Variants in CNTNAP2 observed in about 807,000 individuals in gnomAD.
The protein encoded by CNTNAP2 is contactin associated protein 2, also known as contactin-associated protein-like 2.
Under a neutral mutation model 155.2 loss-of-function variants are expected in CNTNAP2, and 98 were observed. The ratio of observed to expected loss-of-function variants is 0.63; its 90% confidence interval spans 0.54 to 0.75. The LOEUF (loss-of-function observed/expected upper bound fraction) is 0.75, where lower values mean the gene tolerates loss of function less well. Among genes scored for constraint, CNTNAP2 ranks in the 30% least tolerant of loss-of-function variants. CNTNAP2 has a pLI of 0.00. For missense variants in CNTNAP2, 1,727 were observed against 1,688.1 expected (o/e 1.02, Z -0.40); for synonymous variants, 651 against 631.2 (o/e 1.03, Z -0.47).
intron 15 of CNTNAP2, among the ~76,000 whole-genome samples, chr7:148,035,313 C>T (rs1231054151): frequency 6.6e-6 from 1 of 152,148 alleles, no homozygotes. Flanking sequence ...TTTTGGAGAT[C>T]TCTGAGGCTC....
rs928812842 is a variant in CNTNAP2 at position 147,264,864 on chromosome 7, A to G, written c.1349-35277A>G. Reference sequence around the variant, plus strand: ...TATGAACTATTTGAGGTGAAGCTCAAAAGGACATACTGAGGTCCAGGAAAT... The same window carrying G: ...TATGAACTATTTGAGGTGAAGCTCAGAAGGACATACTGAGGTCCAGGAAAT... On this transcript the variant is annotated intron_variant, in intron 8 of 23. Transcript: ENST00000361727. 2.0e-5 allele frequency among the ~76,000 whole-genome samples: 3 copies of G among 152,094 alleles called. No individual in the cohort carries two copies. The South Asian group carries it at 6.2e-4, about 32-fold the overall frequency.
chr7:147,660,222 T>C (rs976371022), intron 13 of CNTNAP2, among the ~76,000 whole-genome samples: 2 of 152,248 alleles, frequency 1.3e-5, no homozygotes, highest in African/African-American at 4.8e-5. Context: ...CAGAGAAGAC[T>C]GACTTTTTCA....
intron 3 of CNTNAP2, among the ~76,000 whole-genome samples, chr7:146,980,459 A>G (rs1797993307): frequency 6.6e-6 from 1 of 152,162 alleles, no homozygotes; most frequent in African/African-American, 2.4e-5. Context: ...TAATAATTGG[A>G]GACCAGGTGT....
chr7:148,348,207 C>G (rs979155896), intron 21 of CNTNAP2, among the ~76,000 whole-genome samples: 1 of 152,134 alleles, frequency 6.6e-6, no homozygotes, highest in Non-Finnish European at 1.5e-5. Flanking sequence ...TCTGAGTGGG[C>G]CCCATCAGAG....
intron 1 of CNTNAP2, among the ~76,000 whole-genome samples, chr7:146,342,167 T>C (rs1004688348): frequency 6.6e-6 from 1 of 152,132 alleles, no homozygotes; most frequent in African/African-American, 2.4e-5. Flanking sequence ...ACTTGGAGAA[T>C]GAGTGTTCCT....
chr7:147,285,624 A>G (rs1285972807), intron 8 of CNTNAP2, among the ~76,000 whole-genome samples: 1 of 152,004 alleles, frequency 6.6e-6, no homozygotes, highest in Non-Finnish European at 1.5e-5. Context: ...CATCTATAAT[A>G]CTAATATGAC....
At chr7:147,863,777 GT>G (rs931270880) in intron 13 of CNTNAP2, among the ~76,000 whole-genome samples, 1 of 149,952 alleles carries the variant, frequency 6.7e-6, no homozygotes, top group Non-Finnish European at 1.5e-5. Flanking sequence ...TGATGGGGTT[GT>G]TTTTTTTCTT....
chr7:147,231,732 C>T lies in CNTNAP2; in HGVS notation c.1349-68409C>T, dbSNP rs138932858. Reference sequence around the variant, plus strand: ...CCTGTTGGCCATTTATATGTCTTTGCTGGAAAATGTCTCTTCAGGTCCTTG... The same window carrying T: ...CCTGTTGGCCATTTATATGTCTTTGTTGGAAAATGTCTCTTCAGGTCCTTG... On this transcript the variant is annotated intron_variant, in intron 8 of 23. Transcript: ENST00000361727. 2.7e-3 allele frequency among the ~76,000 whole-genome samples: 409 copies of T among 152,262 alleles called. 1 individual carries two copies. The highest frequency in any genetic ancestry group is 9.2e-3 in the African/African-American group (383 of 41,536).
intron 1 of CNTNAP2, among the ~76,000 whole-genome samples, chr7:146,720,917 CTA>C (rs1360636820): frequency 6.1e-5 from 8 of 131,572 alleles, no homozygotes; most frequent in East Asian, 5.4e-4. Context: ...TATATACTCT[CTA>C]TATATTCTAT....
chr7:146,953,150 T>C (rs1392269422), intron 3 of CNTNAP2, among the ~76,000 whole-genome samples: 7 of 152,074 alleles, frequency 4.6e-5, no homozygotes, highest in Admixed American at 3.3e-4. Context: ...AAGGATATTT[T>C]AGATCTGAGT....
intron 18 of CNTNAP2, among the ~76,000 whole-genome samples, chr7:148,198,451 C>G (rs1795312284): frequency 6.6e-6 from 1 of 152,102 alleles, no homozygotes; most frequent in East Asian, 1.9e-4. Flanking sequence ...TCTGTGGGGG[C>G]TTCATGGGGA....
At chr7:147,465,043 A>G (rs1262531740) in intron 10 of CNTNAP2, among the ~76,000 whole-genome samples, 1 of 152,212 alleles carries the variant, frequency 6.6e-6, no homozygotes, top group African/African-American at 2.4e-5. Flanking sequence ...ATCCTAAGTG[A>G]ATTCATGCAG....
intron 20 of CNTNAP2, among the ~76,000 whole-genome samples, chr7:148,232,397 T>A (rs1469212070): frequency 1.3e-5 from 2 of 152,240 alleles, no homozygotes; most frequent in Non-Finnish European, 1.5e-5. Flanking sequence ...CAGCCTCAAC[T>A]GTGTGTGGAA....
chr7:146,655,976 T>C (rs931463079), intron 1 of CNTNAP2, among the ~76,000 whole-genome samples: 1 of 152,252 alleles, frequency 6.6e-6, no homozygotes, highest in African/African-American at 2.4e-5. Flanking sequence ...TGATTTCCAC[T>C]GAAGCATAGC....
intron 1 of CNTNAP2, among the ~76,000 whole-genome samples, chr7:146,665,783 T>TAAAAAAACAAAAAAACAAAAAAACA (rs1554464843): frequency 2.1e-5 from 1 of 48,282 alleles, no homozygotes; most frequent in African/African-American, 1.1e-4. Context: ...TCTGTCTCAT[T>TAAAAAAACAAAAAAACAAAAAAACA]AAAAAAAAAA....
intron 13 of CNTNAP2, among the ~76,000 whole-genome samples, chr7:147,739,822 C>T (rs923067713): frequency 2.6e-5 from 4 of 151,550 alleles, no homozygotes; most frequent in Admixed American, 1.3e-4. Context: ...TTATATATTT[C>T]ATATATATAT....
intron 13 of CNTNAP2, among the ~76,000 whole-genome samples, chr7:147,804,926 A>T (rs1798066018): frequency 1.3e-5 from 2 of 152,114 alleles, no homozygotes; most frequent in Admixed American, 6.6e-5. Context: ...CTGTTCTTAG[A>T]ACCCTACATT....
intron 1 of CNTNAP2, among the ~76,000 whole-genome samples, chr7:146,322,565 T>C (rs1356218740): frequency 6.6e-6 from 1 of 151,838 alleles, no homozygotes; most frequent in Non-Finnish European, 1.5e-5. Context: ...GGGAAATCTA[T>C]TGGATCCTCT....
intron 15 of CNTNAP2, among the ~76,000 whole-genome samples, chr7:148,092,803 G>A (rs912891146): frequency 2.0e-5 from 3 of 149,988 alleles, no homozygotes; most frequent in East Asian, 4.0e-4. Context: ...CAATTAAAGA[G>A]CTTGTTTAAA....
Sources: allele counts gnomAD v4.1 joint callset (sites outside exome capture counted in the v4.1 genomes callset), GRCh38; gene constraint gnomAD v4.1.1; transcripts MANE v1.5; gene names NCBI Gene and HGNC (gene_info 2026-07-23, HGNC 2026-07-21).